CPNE8: variants seen among roughly 807,000 people sequenced by gnomAD.
CPNE8 encodes the protein copine 8, also known as copine-8.
Under a neutral mutation model 81.5 loss-of-function variants are expected in CPNE8, and 45 were observed. That is an observed-to-expected ratio of 0.55 (90% CI 0.44 to 0.71). The LOEUF is 0.71. Among genes scored for constraint, CPNE8 ranks in the 30% least tolerant of loss-of-function variants. CPNE8 has a pLI of 0.00. For synonymous variants in CPNE8, 252 were observed against 226.3 expected (o/e 1.11, Z -1.02); for missense variants, 594 against 672.1 (o/e 0.88, Z 1.28).
intron 3 of CPNE8, among the ~76,000 whole-genome samples, chr12:38,854,956 G>A (rs1943706957): frequency 6.6e-6 from 1 of 151,962 alleles, no homozygotes; most frequent in East Asian, 1.9e-4. Flanking sequence ...AGAAAGAAGT[G>A]AAACTGTTTC....
intron 15 of CPNE8, among the ~76,000 whole-genome samples, chr12:38,692,789 C>A (rs1258319365): frequency 6.6e-6 from 1 of 152,198 alleles, no homozygotes; most frequent in African/African-American, 2.4e-5. Flanking sequence ...TTCTTTGATA[C>A]TCTTCCCATT....
At chr12:38,870,695 G>A (rs1943979361) in intron 3 of CPNE8, among the ~76,000 whole-genome samples, 4 of 152,050 alleles carry the variant, frequency 2.6e-5, no homozygotes, top group Admixed American at 2.6e-4. Flanking sequence ...TAATGTAGAT[G>A]ACGGGTTGAC....
At chr12:38,831,455 T>G (rs1394059433) in intron 5 of CPNE8, among the ~76,000 whole-genome samples, 2 of 152,178 alleles carry the variant, frequency 1.3e-5, no homozygotes, top group Non-Finnish European at 2.9e-5. Flanking sequence ...AGAGGCAAAG[T>G]GTTAAGGCCC....
At chr12:38,875,969 T>C (rs368339450) in intron 1 of CPNE8, among the ~76,000 whole-genome samples, 136 of 152,358 alleles carry the variant, frequency 8.9e-4, no homozygotes, top group African/African-American at 3.1e-3. Flanking sequence ...CAATCCTTCC[T>C]GTGACTCAAG....
At chr12:38,856,415 A>C (rs1943735368) in intron 3 of CPNE8, among the ~76,000 whole-genome samples, 1 of 152,158 alleles carries the variant, frequency 6.6e-6, no homozygotes, top group East Asian at 1.9e-4. Context: ...AAAGAAAATT[A>C]TAGACCAATA....
At chr12:38,843,202 G>A (rs1358603871) in intron 4 of CPNE8, among the ~76,000 whole-genome samples, 1 of 152,120 alleles carries the variant, frequency 6.6e-6, no homozygotes, top group Non-Finnish European at 1.5e-5. Flanking sequence ...GCTGATTTGG[G>A]TGCCCCTTAG....
chr12:38,873,414 G>A (rs1944020479), intron 2 of CPNE8, among the ~76,000 whole-genome samples: 1 of 152,130 alleles, frequency 6.6e-6, no homozygotes, highest in Non-Finnish European at 1.5e-5. Context: ...TATTTACAGT[G>A]CTCAAAGGTA....
intron 8 of CPNE8, among the ~76,000 whole-genome samples, chr12:38,763,142 C>G (rs1305672747): frequency 6.6e-6 from 1 of 152,216 alleles, no homozygotes; most frequent in Non-Finnish European, 1.5e-5. Flanking sequence ...CAGGCGTGAG[C>G]CACTGTGCCC....
At chr12:38,704,826 G>GTATATATATGTGTGTATATATATATATA (rs58878926) in intron 13 of CPNE8, among the ~76,000 whole-genome samples, 12 of 50,196 alleles carry the variant, frequency 2.4e-4, no homozygotes, top group Admixed American at 2.9e-4. Context: ...GTATGTATGT[G>GTATATATATGTGTGTATATATATATATA]TATATATATA....
chr12:38,780,455 T>C (rs1041577640), intron 6 of CPNE8, among the ~76,000 whole-genome samples: 20 of 152,110 alleles, frequency 1.3e-4, no homozygotes, highest in African/African-American at 4.8e-4. Context: ...GGGAAACTTC[T>C]AGAAATGGTG....
In CPNE8 at chr12:38,896,894, A is replaced by T. The variant is rs558944530; in HGVS notation, c.98+8543T>A. Among the ~76,000 whole-genome samples, 6 of 152,264 alleles carry T rather than the reference A, an allele frequency of 3.9e-5. No homozygotes were observed. The South Asian group carries it at 1.0e-3, about 26-fold the overall frequency. ...ACCTTCTTCTATGTTGCTGTGTGCC[A>T]CACAGTAAAATGCTGAAGAACCTGG... On this transcript the variant is annotated intron_variant, in intron 1 of 19. Transcript: ENST00000331366.
At chr12:38,882,279 T>C (rs1324913519) in intron 1 of CPNE8, among the ~76,000 whole-genome samples, 4 of 152,078 alleles carry the variant, frequency 2.6e-5, no homozygotes, top group African/African-American at 9.7e-5. Flanking sequence ...GAGAGAGTTG[T>C]AGATTTTGGC....
intron 6 of CPNE8, among the ~76,000 whole-genome samples, chr12:38,828,053 C>T (rs555915709): frequency 6.6e-6 from 1 of 152,228 alleles, no homozygotes; most frequent in African/African-American, 2.4e-5. Context: ...AATGAAAATT[C>T]TGTATTTTAA....
At position 38,693,833 on chromosome 12, in the gene CPNE8, G is replaced by C; in HGVS notation, c.967C>G (p.Pro323Ala). The change falls in exon 15 of 20, where the codon CCT (proline) becomes GCT (alanine). Residue 323 changes from proline to alanine, a missense_variant. Transcript: ENST00000331366. ...AIDFTASNGN[P>A]AQPTSLHYMN... ...TAGTGGAGGGAAGTGGGCTGAGCAGGGTTGCCTGATGACAGAACACATATT... is the reference window on the plus strand; with the variant it reads ...TAGTGGAGGGAAGTGGGCTGAGCAGCGTTGCCTGATGACAGAACACATATT... 6.3e-7 allele frequency: 1 copy of C among 1,596,970 alleles called. No individual in the cohort carries two copies. The highest frequency in any genetic ancestry group is 2.3e-5 in the East Asian group (1 of 44,134).
intron 4 of CPNE8, among the ~76,000 whole-genome samples, chr12:38,841,973 C>G (rs1943474480): frequency 6.6e-6 from 1 of 151,624 alleles, no homozygotes; most frequent in Non-Finnish European, 1.5e-5. Flanking sequence ...CTCATTATGA[C>G]CTGTTTACCT....
At chr12:38,854,091 C>T (rs1038727350) in intron 3 of CPNE8, among the ~76,000 whole-genome samples, 12 of 151,840 alleles carry the variant, frequency 7.9e-5, no homozygotes, top group African/African-American at 2.2e-4. Flanking sequence ...TAGATGAGTA[C>T]GGGAGTACGG....
At chr12:38,707,796 C>T (rs1940148614) in intron 13 of CPNE8, among the ~76,000 whole-genome samples, 1 of 152,164 alleles carries the variant, frequency 6.6e-6, no homozygotes, top group African/African-American at 2.4e-5. Context: ...CTAAATAAAG[C>T]AGCTCATGCT....
In CPNE8 at chr12:38,782,108, A is replaced by G. The variant is rs528871745; in HGVS notation, c.408-5807T>C. Among the ~76,000 whole-genome samples, 15 of 152,250 alleles carry G rather than the reference A, an allele frequency of 9.9e-5. 1 individual carries two copies. In the South Asian group the frequency reaches 3.1e-3, roughly 32 times the overall value. On this transcript the variant is annotated intron_variant, in intron 6 of 19. Transcript: ENST00000331366. ...TTTCTAGTTGTGACAAATGTATTAA[A>G]TACCATGGTAACACAAGATGTTAAT...
At chr12:38,664,400 A>G (rs1367623162) in intron 19 of CPNE8, among the ~76,000 whole-genome samples, 1 of 152,102 alleles carries the variant, frequency 6.6e-6, no homozygotes, top group African/African-American at 2.4e-5. Flanking sequence ...TACTATTTCT[A>G]TTCATTAACT....
Sources: allele counts gnomAD v4.1 joint callset (sites outside exome capture counted in the v4.1 genomes callset), GRCh38; gene constraint gnomAD v4.1.1; transcripts MANE v1.5; gene names NCBI Gene and HGNC (gene_info 2026-07-23, HGNC 2026-07-21).